NDC1: variants seen among roughly 807,000 people sequenced by gnomAD.
NDC1 encodes NDC1 transmembrane nucleoporin.
In NDC1, 24 loss-of-function variants were observed where a neutral mutation model predicts 89.8. That is an observed-to-expected ratio of 0.27 (90% CI 0.19 to 0.38). The LOEUF (loss-of-function observed/expected upper bound fraction) is 0.38. Ranked by LOEUF, NDC1 falls within the 10% of genes least tolerant of loss-of-function variation. The probability of loss-of-function intolerance (pLI) is 1.00; values close to 1 mark genes in which losing one functional copy is unlikely to be tolerated. For missense variants in NDC1, 728 were observed against 797.6 expected (o/e 0.91, Z 1.05); for synonymous variants, 296 against 284.8 (o/e 1.04, Z -0.39).
intron 10 of NDC1, among the ~76,000 whole-genome samples, 164 bp downstream of exon 10, chr1:53,803,764 G>A (rs1468016669): frequency 6.6e-6 from 1 of 151,956 alleles, no homozygotes; most frequent in African/African-American, 2.4e-5. Flanking sequence ...GTAGAGACAG[G>A]GTTTCACCGT....
chr1:53,790,817 T>TA (rs1435632923), intron 14 of NDC1, among the ~76,000 whole-genome samples: 1 of 152,218 alleles, frequency 6.6e-6, no homozygotes, highest in African/African-American at 2.4e-5. Context: ...AACCTTCACG[T>TA]AAAAAATGTT....
chr1:53,793,514 AC>A (rs1647591286), intron 13 of NDC1, among the ~76,000 whole-genome samples: 1 of 152,174 alleles, frequency 6.6e-6, no homozygotes, highest in Non-Finnish European at 1.5e-5. Flanking sequence ...TACACGTTTA[AC>A]CCCCAAATTA....
At chr1:53,829,975 A>G (rs180923469) in intron 3 of NDC1, among the ~76,000 whole-genome samples, 6 of 152,102 alleles carry the variant, frequency 3.9e-5, no homozygotes, top group South Asian at 4.2e-4. Context: ...ATATGGTGAA[A>G]CCCCACCTCT....
chr1:53,791,094 T>C (rs563944031), intron 14 of NDC1, among the ~76,000 whole-genome samples: 46 of 152,324 alleles, frequency 3.0e-4, no homozygotes, highest in African/African-American at 1.1e-3. Flanking sequence ...TCCCATGTGA[T>C]CAAATGTTTT....
Position 53,778,260 on chromosome 1 carries a change from T to TACACAC in NDC1, c.1801-5777_1801-5772dup, listed in dbSNP as rs202023880. Among the ~76,000 whole-genome samples the TACACAC allele has an allele frequency of 2.5e-3, 367 of 144,782 alleles. 3 individuals carry two copies. Among genetic ancestry groups the TACACAC allele is most frequent in the South Asian group, 0.011 (50 of 4,460 alleles). 95.0% of individuals were successfully genotyped at this position (144,782 alleles called of 152,430 possible). A position where few individuals can be genotyped will look rare whatever the true frequency, so the allele number is the denominator to read the frequency against. On this transcript the variant is annotated intron_variant, in intron 16 of 17. Transcript: ENST00000371429. ...ATAGTATATGATGTGTGTGTGTATA[T>TACACAC]ACACACACACACACACACACACACA...
At position 53,807,653 on chromosome 1, in the gene NDC1, T is replaced by C. The variant is rs1314162581; in HGVS notation, c.891+3A>G. ...TTAAGAAAAAATATTTTAAAAAACA[T>C]ACCTCTGTGGCATAGATTTTGAAGA... On this transcript the variant is annotated splice_donor_region_variant and intron_variant, in intron 8 of 17. Coordinates refer to ENST00000371429, the MANE Select transcript of NDC1 (RefSeq NM_018087.5). 3.2e-6 allele frequency: 5 copies of C among 1,586,248 alleles called. No individual in the cohort carries two copies. In the East Asian group the frequency reaches 1.1e-4, roughly 36 times the overall value.
chr1:53,800,739 T>C lies in NDC1; in HGVS notation c.1176A>G (p.Arg392=). Reference sequence around the variant, plus strand: ...GTTCCACTGGGTAAGATGAAGACACTCTCCCATTCGTAGCAGCAGCTTCTT... The same window carrying C: ...GTTCCACTGGGTAAGATGAAGACACCCTCCCATTCGTAGCAGCAGCTTCTT... ...LYQEAAATNG[R]VSSSYPVEPK... Residue 392 remains arginine (R), a synonymous_variant, in exon 11 of 18, where the codon AGA becomes AGG. Transcript: ENST00000371429. 1 of 1,614,104 alleles carries C rather than the reference T, an allele frequency of 6.2e-7. No homozygotes were observed. The highest frequency in any genetic ancestry group is 1.7e-5 in the Admixed American group (1 of 60,016).
At position 53,827,929 on chromosome 1, in the gene NDC1, T is replaced by C; in HGVS notation, c.455+70A>G. On this transcript the variant is annotated intron_variant, in intron 4 of 17. Coordinates refer to ENST00000371429, the MANE Select transcript of NDC1 (RefSeq NM_018087.5). ...GGAAAGCAAAGAATACTCATAGGAT[T>C]AACCTATATAGGTCACCTTTGGCTT... 2.5e-6 allele frequency: 3 copies of C among 1,189,462 alleles called. No individual in the cohort carries two copies. In the East Asian group the frequency reaches 7.8e-5, roughly 31 times the overall value. The allele number at this position is 1,189,462 out of a possible 1,614,324, so 73.7% of individuals were successfully genotyped here. A position where few individuals can be genotyped will look rare whatever the true frequency, so the allele number is the denominator to read the frequency against.
chr1:53,830,496 T>C (rs1453255981), intron 3 of NDC1, among the ~76,000 whole-genome samples: 1 of 152,078 alleles, frequency 6.6e-6, no homozygotes, highest in Admixed American at 6.6e-5. Flanking sequence ...AGGATACGTA[T>C]TGTAACATCC....
chr1:53,823,174 T>C (rs1648732187), intron 5 of NDC1, among the ~76,000 whole-genome samples: 1 of 152,110 alleles, frequency 6.6e-6, no homozygotes. Context: ...AGCTTCCTCA[T>C]TCCACTGCCC....
chr1:53,773,709 A>C (rs997994025), intron 16 of NDC1, among the ~76,000 whole-genome samples: 17 of 151,994 alleles, frequency 1.1e-4, no homozygotes, highest in African/African-American at 4.1e-4. Flanking sequence ...CAGAGTGCCC[A>C]AAGAAAAGTC....
At chr1:53,792,126 T>C (rs1484770310) in intron 14 of NDC1, among the ~76,000 whole-genome samples, 1 of 152,086 alleles carries the variant, frequency 6.6e-6, no homozygotes, top group African/African-American at 2.4e-5. Context: ...GTATTTTTAG[T>C]AGAGACAGGG....
rs751118664 is a variant in NDC1, at chr1:53,796,982, A to C, written c.1385T>G (p.Ile462Ser). Residue 462 changes from isoleucine to serine, a missense_variant, in exon 12 of 18, where the codon ATT becomes AGT. Ile to Ser is a moderately radical substitution (Grantham distance 142, BLOSUM62 -2). Transcript: ENST00000371429. ...CCCATAGCAGGTGTTTACATCAAAA[A>C]TTCCAGCCATCCGATTCATTACACT... ...GSSVMNRMAG[I>S]FDVNTCYGSP... is the part of the protein sequence containing the mutation. The C allele has an allele frequency of 1.9e-6, 3 of 1,614,196 alleles. No individual in the cohort carries two copies. Among genetic ancestry groups the C allele is most frequent in the South Asian group, 1.1e-5 (1 of 91,078 alleles).
rs141929827 is a variant in NDC1, at chr1:53,818,782, C to T, written c.703+189G>A. ...AGGCTAAATAATATTTCGTTATAGGCATATGTCACATTTTCTTCAACAATA... is the reference window on the plus strand; with the variant it reads ...AGGCTAAATAATATTTCGTTATAGGTATATGTCACATTTTCTTCAACAATA... On this transcript the variant is annotated intron_variant, in intron 6 of 17. Coordinates refer to ENST00000371429, the MANE Select transcript of NDC1 (RefSeq NM_018087.5). Among the ~76,000 whole-genome samples, 36 of 152,284 alleles carry T rather than the reference C, an allele frequency of 2.4e-4. No individual in the cohort carries two copies. In the East Asian group the frequency reaches 6.9e-3, roughly 29 times the overall value.
intron 5 of NDC1, among the ~76,000 whole-genome samples, chr1:53,820,254 C>CAA (rs796929968): frequency 4.6e-4 from 59 of 128,312 alleles, no homozygotes; most frequent in African/African-American, 1.2e-3. Context: ...GACTCTGTCT[C>CAA]AAAAAAAAAA....
intron 16 of NDC1, among the ~76,000 whole-genome samples, chr1:53,781,823 G>C (rs1382105813): frequency 6.6e-6 from 1 of 152,044 alleles, no homozygotes. Flanking sequence ...GATGGTTTGG[G>C]AGCATTTTAA....
chr1:53,789,154 T>C lies in NDC1; in HGVS notation c.1678A>G (p.Met560Val). 6.2e-7 allele frequency: 1 copy of C among 1,608,662 alleles called. No individual in the cohort carries two copies. The highest frequency in any genetic ancestry group is 8.5e-7 in the Non-Finnish European group (1 of 1,177,040). Residue 560 changes from methionine to valine, a missense_variant, in exon 15 of 18, where the codon ATG becomes GTG. Coordinates refer to ENST00000371429, the MANE Select transcript of NDC1 (RefSeq NM_018087.5). ...SIQAVFSDAQ[M>V]HIWALEGLSH... is the part of the protein sequence containing the mutation. ...TTACCTTCTAATGCCCAAATATGCA[T>C]TTGGGCATCTGAAAAAACAGCCTGA...
intron 3 of NDC1, among the ~76,000 whole-genome samples, chr1:53,830,608 C>T (rs2100694188): frequency 6.6e-6 from 1 of 152,174 alleles, no homozygotes; most frequent in Admixed American, 6.5e-5. Context: ...TGCTTGTAAT[C>T]CCAACACTTT....
chr1:53,778,532 C>T (rs1036310917), intron 16 of NDC1, among the ~76,000 whole-genome samples: 6 of 151,596 alleles, frequency 4.0e-5, no homozygotes, highest in African/African-American at 1.5e-4. Context: ...GCAGGAGGAT[C>T]GCTTGAGCCT....
Sources: allele counts gnomAD v4.1 joint callset (sites outside exome capture counted in the v4.1 genomes callset), GRCh38; gene constraint gnomAD v4.1.1; transcripts MANE v1.5; gene names NCBI Gene and HGNC (gene_info 2026-07-23, HGNC 2026-07-21).